MAPK10: variants seen among roughly 807,000 people sequenced by gnomAD.
MAPK10 encodes the protein JNK3 alpha protein kinase.
Under a neutral mutation model 59.3 loss-of-function variants are expected in MAPK10, and 25 were observed. That is an observed-to-expected ratio of 0.42 (90% CI 0.31 to 0.59). The LOEUF (loss-of-function observed/expected upper bound fraction) is 0.59. MAPK10 is among the 20% of genes least tolerant of loss of function. MAPK10 has a pLI of 0.15. For synonymous variants in MAPK10, 190 were observed against 200.5 expected, an observed-to-expected ratio of 0.95 and a Z score of 0.44; for missense variants, 351 against 568.9, an observed-to-expected ratio of 0.62 and a Z score of 3.90.
intron 3 of MAPK10, among the ~76,000 whole-genome samples, chr4:86,170,157 G>A (rs553545932): frequency 1.2e-3 from 176 of 151,116 alleles, no homozygotes; most frequent in African/African-American, 4.1e-3. Flanking sequence ...ATCAACTAAC[G>A]AGCAAAATAA....
intron 2 of MAPK10, among the ~76,000 whole-genome samples, chr4:86,240,994 T>C (rs1203692122): frequency 6.6e-6 from 1 of 152,202 alleles, no homozygotes; most frequent in South Asian, 2.1e-4. Flanking sequence ...TTTTCATATT[T>C]AGTGCTTCTT....
chr4:86,515,596 G>A (rs1284201152), intron 1 of MAPK10, among the ~76,000 whole-genome samples: 2 of 152,056 alleles, frequency 1.3e-5, no homozygotes, highest in Non-Finnish European at 2.9e-5. Flanking sequence ...GTGATATTGA[G>A]CATTTTTTCA....
chr4:86,195,116 GCA>G (rs1309917419), intron 2 of MAPK10, among the ~76,000 whole-genome samples: 1 of 152,046 alleles, frequency 6.6e-6, no homozygotes, highest in Non-Finnish European at 1.5e-5. Flanking sequence ...CTATAAGTTT[GCA>G]CAGTTTTAAG....
At chr4:86,155,836 A>G (rs2067607351) in intron 4 of MAPK10, among the ~76,000 whole-genome samples, 1 of 152,012 alleles carries the variant, frequency 6.6e-6, no homozygotes, top group Non-Finnish European at 1.5e-5. Flanking sequence ...CTACTTTTGT[A>G]TTTTGGAGCC....
intron 1 of MAPK10, among the ~76,000 whole-genome samples, chr4:86,542,877 C>T (rs1289357059): frequency 6.6e-6 from 1 of 152,170 alleles, no homozygotes; most frequent in African/African-American, 2.4e-5. Flanking sequence ...CACAACCTAG[C>T]ATTGCCTGTC....
intron 9 of MAPK10, among the ~76,000 whole-genome samples, chr4:86,069,929 T>C (rs1579562245): frequency 6.6e-6 from 1 of 152,184 alleles, no homozygotes; most frequent in African/African-American, 2.4e-5. Flanking sequence ...ACTGATACTT[T>C]TATATTAAAG....
At chr4:86,294,207 C>CT (rs1315097078) in intron 2 of MAPK10, among the ~76,000 whole-genome samples, 1 of 152,150 alleles carries the variant, frequency 6.6e-6, no homozygotes, top group African/African-American at 2.4e-5. Context: ...ATAATATGCC[C>CT]TTTAGTGTCT....
chr4:86,415,979 G>A lies in MAPK10; in HGVS notation c.-122+37051C>T, dbSNP rs149157549. ...GGATGATCTTGGTAAAATAAAATCT[G>A]TTTCTCTTCTGTAAAATGTGAATAA... On this transcript the variant is annotated intron_variant, in intron 1 of 13. Transcript: ENST00000361569. Among the ~76,000 whole-genome samples the A allele has an allele frequency of 9.0e-3, 1,364 of 152,228 alleles. 8 individuals are homozygous for A. The highest frequency in any genetic ancestry group is 0.014 in the Non-Finnish European group (919 of 68,006).
chr4:86,088,422 G>A (rs2052406855), intron 9 of MAPK10, among the ~76,000 whole-genome samples: 1 of 152,178 alleles, frequency 6.6e-6, no homozygotes, highest in African/African-American at 2.4e-5. Context: ...CTGGGCTCAA[G>A]TGATCCTTCC....
chr4:86,060,918 C>T (rs946658722), intron 11 of MAPK10, among the ~76,000 whole-genome samples: 28 of 151,988 alleles, frequency 1.8e-4, no homozygotes, highest in East Asian at 9.6e-4. Context: ...TTTCACCAGA[C>T]GCATATATCT....
chr4:86,328,552 A>G (rs549559703), intron 2 of MAPK10, among the ~76,000 whole-genome samples: 1 of 152,312 alleles, frequency 6.6e-6, no homozygotes, highest in East Asian at 1.9e-4. Flanking sequence ...ACATGCACAT[A>G]TATGTTTACT....
chr4:86,303,677 G>A (rs1054093645), intron 2 of MAPK10, among the ~76,000 whole-genome samples: 6 of 152,178 alleles, frequency 3.9e-5, no homozygotes, highest in African/African-American at 7.2e-5. Flanking sequence ...GTGGTAGTTA[G>A]AAAAGGCATG....
intron 1 of MAPK10, among the ~76,000 whole-genome samples, chr4:86,526,307 C>CATTT (rs2149089494): frequency 6.6e-6 from 1 of 152,290 alleles, no homozygotes; most frequent in Admixed American, 6.5e-5. Flanking sequence ...TCATGTGTTT[C>CATTT]ATTTCCAGGA....
At chr4:86,223,924 T>C (rs1248403927) in intron 2 of MAPK10, among the ~76,000 whole-genome samples, 2 of 152,334 alleles carry the variant, frequency 1.3e-5, no homozygotes, top group African/African-American at 2.4e-5. Context: ...GTGCCTTTCA[T>C]ACCCTCTTGT....
chr4:86,352,814 T>A (rs2148965550), intron 2 of MAPK10, among the ~76,000 whole-genome samples: 1 of 152,322 alleles, frequency 6.6e-6, no homozygotes, highest in South Asian at 2.1e-4. Flanking sequence ...ATTATGTCAA[T>A]CTCCTATTTA....
At chr4:86,530,350 TTCAA>T (rs1757768203) in intron 1 of MAPK10, among the ~76,000 whole-genome samples, 1 of 152,190 alleles carries the variant, frequency 6.6e-6, no homozygotes, top group Admixed American at 6.5e-5. Flanking sequence ...ATAGCAGACT[TTCAA>T]TAAATATCTA....
chr4:86,423,336 C>G (rs1187426132), intron 1 of MAPK10, among the ~76,000 whole-genome samples: 1 of 152,126 alleles, frequency 6.6e-6, no homozygotes, highest in African/African-American at 2.4e-5. Context: ...TCAATACAAA[C>G]ATCAGTAAAT....
intron 4 of MAPK10, among the ~76,000 whole-genome samples, chr4:86,131,796 G>T (rs1318632688): frequency 2.6e-5 from 4 of 152,064 alleles, no homozygotes; most frequent in Non-Finnish European, 5.9e-5. Context: ...ATATGGATGA[G>T]CTAACATGGA....
chr4:86,156,750 A>G (rs1268847907), intron 4 of MAPK10, among the ~76,000 whole-genome samples: 1 of 151,984 alleles, frequency 6.6e-6, no homozygotes, highest in Non-Finnish European at 1.5e-5. Context: ...TTTGTTCCGG[A>G]GTTGGTAACA....
Sources: allele counts gnomAD v4.1 joint callset (sites outside exome capture counted in the v4.1 genomes callset), GRCh38; gene constraint gnomAD v4.1.1; transcripts MANE v1.5; gene names NCBI Gene and HGNC (gene_info 2026-07-23, HGNC 2026-07-21).